Variants in PRPF18 observed in about 807,000 individuals in gnomAD.
PRPF18 encodes pre-mRNA-splicing factor 18.
A neutral mutation model predicts 46.5 loss-of-function variants in PRPF18; 38 were observed. The ratio of observed to expected loss-of-function variants is 0.82; its 90% CI spans 0.63 to 1.07. The LOEUF (loss-of-function observed/expected upper bound fraction) is 1.07, where lower values mean the gene tolerates loss of function less well. Ranked by LOEUF, PRPF18 falls within the 50% of genes least tolerant of loss-of-function variation. The pLI, the probability that PRPF18 is intolerant of heterozygous loss-of-function variation, is 0.00. For missense variants in PRPF18, 263 were observed against 410.0 expected (o/e 0.64, Z 3.10); for synonymous variants, 152 against 146.7 (o/e 1.04, Z -0.26).
intron 8 of PRPF18, among the ~76,000 whole-genome samples, chr10:13,614,678 G>C (rs2080316136): frequency 6.6e-6 from 1 of 152,200 alleles, no homozygotes. Context: ...TGGGCTCTGG[G>C]AGGCAGCGGT....
At chr10:13,654,290 G>T in the PRPF18 span, 3 of 731,804 alleles carry the variant, frequency 4.1e-6, no homozygotes, top group African/African-American at 5.2e-5. Context: ...TCTCTTGAAA[G>T]GAAGACACCT....
At chr10:13,655,254 C>T in the PRPF18 span, 5 of 152,276 alleles carry the variant, frequency 3.3e-5, no homozygotes, top group African/African-American at 9.6e-5. Context: ...AAATATGTTC[C>T]AAAAGATCTA....
intron 8 of PRPF18, among the ~76,000 whole-genome samples, chr10:13,614,323 T>A (rs1011409031): frequency 6.6e-6 from 1 of 152,250 alleles, no homozygotes; most frequent in African/African-American, 2.4e-5. Context: ...TGGTCATTTT[T>A]AAAATAGGCC....
rs896536964 is a variant in PRPF18, at chr10:13,628,332, G to A, written c.949-1928G>A. The stretch of plus-strand genomic sequence containing the variant: ...ATTATGGCTCCATTCATAGAAGTAT[G>A]TCATTTGTCCCTTAATATCCTCAGG... On this transcript the variant is annotated intron_variant, in intron 9 of 9. Transcript: ENST00000378572. Among the ~76,000 whole-genome samples the A allele has an allele frequency of 2.0e-5, 3 of 152,132 alleles. 1 individual carries two copies. Among genetic ancestry groups the A allele is most frequent in the African/African-American group, 7.2e-5 (3 of 41,428 alleles).
intron 9 of PRPF18, among the ~76,000 whole-genome samples, chr10:13,619,702 G>A (rs1449631160): frequency 1.3e-5 from 2 of 152,104 alleles, no homozygotes; most frequent in Non-Finnish European, 2.9e-5. Context: ...AGAGAAATGA[G>A]CAATGCAGAA....
chr10:13,592,174 C>A, intron 1 of PRPF18: 1 of 621,132 alleles, frequency 1.6e-6, no homozygotes, highest in Non-Finnish European at 3.0e-6. Context: ...ATTCCTCTGA[C>A]AAGGACAGGG....
Position 13,609,161 on chromosome 10 carries a change from C to A in PRPF18, c.364-878C>A, listed in dbSNP as rs531848114. Among the ~76,000 whole-genome samples, 31 of 152,354 alleles carry A rather than the reference C, an allele frequency of 2.0e-4. No homozygotes were observed. In the East Asian group the frequency reaches 5.8e-3, roughly 28 times the overall value. On this transcript the variant is annotated intron_variant, in intron 4 of 9. Coordinates refer to ENST00000378572, the MANE Select transcript of PRPF18 (RefSeq NM_003675.4). Reference sequence around the variant, plus strand: ...TTGAATGTGCACCGTGCTCCAGTAACTGTTCAAAGCTCATCGTCCATTTCT... The same window carrying A: ...TTGAATGTGCACCGTGCTCCAGTAAATGTTCAAAGCTCATCGTCCATTTCT...
intron 1 of PRPF18, 40 bp from the exon 2 acceptor site, chr10:13,597,418 T>C (rs759947146): frequency 2.8e-4 from 403 of 1,427,538 alleles, no homozygotes; most frequent in Non-Finnish European, 3.7e-4. Flanking sequence ...GAAATTTTGC[T>C]CAAGGATATA....
At chr10:13,623,843 C>T (rs1354507504) in intron 9 of PRPF18, among the ~76,000 whole-genome samples, 1 of 152,182 alleles carries the variant, frequency 6.6e-6, no homozygotes, top group Non-Finnish European at 1.5e-5. Context: ...TGCTATGATA[C>T]ACCAAACTAT....
intron 1 of PRPF18, 178 bp downstream of exon 1, chr10:13,587,330 G>C: frequency 1.5e-6 from 1 of 674,232 alleles, no homozygotes; most frequent in Non-Finnish European, 2.6e-6. Context: ...CACTGTTGAG[G>C]CTGGAGAATA....
At chr10:13,615,287 A>G (rs2080323664) in intron 8 of PRPF18, among the ~76,000 whole-genome samples, 1 of 152,226 alleles carries the variant, frequency 6.6e-6, no homozygotes, top group Admixed American at 6.5e-5. Context: ...GTGCAAGTGC[A>G]AGCTTATTTT....
intron 9 of PRPF18, 31 bp from the exon 10 acceptor site, chr10:13,630,222 CATGTCAT>C: frequency 6.7e-7 from 1 of 1,484,520 alleles, no homozygotes; most frequent in Non-Finnish European, 9.4e-7. Flanking sequence ...ATAATTTAAC[CATGTCAT>C]AACCAACCTT....
intron 4 of PRPF18, among the ~76,000 whole-genome samples, chr10:13,607,184 TGG>T (rs966578938): frequency 1.3e-5 from 2 of 152,216 alleles, no homozygotes; most frequent in African/African-American, 4.8e-5. Context: ...TGCAACCTCC[TGG>T]GCTTAAGCAG....
the PRPF18 span, chr10:13,641,316 G>T: frequency 6.6e-6 from 1 of 152,280 alleles, no homozygotes; most frequent in East Asian, 1.9e-4. Flanking sequence ...CTGAGCTGGG[G>T]AGGGCCATTC....
At chr10:13,654,179 C>T in the PRPF18 span, 1 of 576,052 alleles carries the variant, frequency 1.7e-6, no homozygotes, top group Non-Finnish European at 3.1e-6. Context: ...TCCCCACATC[C>T]CAAGGACCAC....
intron 9 of PRPF18, among the ~76,000 whole-genome samples, chr10:13,619,313 G>A (rs539903171): frequency 1.3e-5 from 2 of 152,240 alleles, no homozygotes; most frequent in Non-Finnish European, 2.9e-5. Context: ...TTTAGTTAGT[G>A]TAAGACAAAG....
chr10:13,623,594 T>C lies in PRPF18; in HGVS notation c.949-6666T>C, dbSNP rs79006399. Among the ~76,000 whole-genome samples the C allele has an allele frequency of 2.2e-3, 330 of 152,364 alleles. 3 individuals are homozygous for C. Among genetic ancestry groups the C allele is most frequent in the African/African-American group, 7.8e-3 (323 of 41,596 alleles). On this transcript the variant is annotated intron_variant, in intron 9 of 9. Coordinates refer to ENST00000378572, the MANE Select transcript of PRPF18 (RefSeq NM_003675.4). ...AATAATTGATTTAACAACATGTCTTTATACTTAAATATAAAGATTACTTAT... is the reference window on the plus strand; with the variant it reads ...AATAATTGATTTAACAACATGTCTTCATACTTAAATATAAAGATTACTTAT...
At chr10:13,618,568 G>C (rs1488990496) in intron 9 of PRPF18, among the ~76,000 whole-genome samples, 1 of 132,640 alleles carries the variant, frequency 7.5e-6, no homozygotes, top group East Asian at 2.4e-4. Flanking sequence ...CAAGGTTGCA[G>C]TGATTTGTGA....
At chr10:13,627,643 C>T (rs761569602) in intron 9 of PRPF18, among the ~76,000 whole-genome samples, 20 of 152,244 alleles carry the variant, frequency 1.3e-4, no homozygotes, top group African/African-American at 4.1e-4. Context: ...TGTATCATAC[C>T]GCTCTGTGGT....
Sources: allele counts gnomAD v4.1 joint callset (sites outside exome capture counted in the v4.1 genomes callset), GRCh38; gene constraint gnomAD v4.1.1; transcripts MANE v1.5; gene names NCBI Gene and HGNC (gene_info 2026-07-23, HGNC 2026-07-21).